Variants in TAOK1 observed in about 807,000 individuals in gnomAD.
TAOK1 encodes serine/threonine-protein kinase TAO1.
Under a neutral mutation model 138.3 loss-of-function variants are expected in TAOK1, and 21 were observed. The ratio of observed to expected loss-of-function variants is 0.15; its 90% CI spans 0.11 to 0.22. The LOEUF is 0.22. Ranked by LOEUF, TAOK1 falls within the 10% of genes least tolerant of loss-of-function variation. TAOK1 has a pLI of 1.00. For missense variants in TAOK1, 651 were observed against 1,227.7 expected (o/e 0.53, Z 7.02); for synonymous variants, 361 against 398.4 (o/e 0.91, Z 1.12).
At position 29,542,768 on chromosome 17, in the gene TAOK1, C is replaced by T. The variant is rs776578798; in HGVS notation, c.2752C>T (p.Pro918Ser). 2.5e-6 allele frequency: 4 copies of T among 1,614,092 alleles called. No homozygotes were observed. The African/African-American group carries it at 4.0e-5, about 16-fold the overall frequency. ...SGWSHNPTGG[P>S]GPHWGHPMGG... ...TTGGTCACACAACCCTACTGGGGGT[C>T]CAGGACCTCACTGGGGTCATCCCAT... Residue 918 changes from proline (P) to serine (S), a missense_variant, in exon 20 of 20, where the codon CCA (proline) becomes TCA (serine). Physicochemically the swap from Pro to Ser is moderately conservative, Grantham distance 74 (BLOSUM62 -1). This residue lies in a region of TAOK1 where 108 missense variants were observed against 120.3 expected (regional missense o/e 0.90). Coordinates refer to ENST00000261716, the MANE Select transcript of TAOK1 (RefSeq NM_020791.4).
intron 8 of TAOK1, among the ~76,000 whole-genome samples, chr17:29,488,352 C>T (rs2031216023): frequency 6.6e-6 from 1 of 151,928 alleles, no homozygotes; most frequent in Non-Finnish European, 1.5e-5. Flanking sequence ...GGGTAGATCA[C>T]CTGAGGTTGG....
intron 1 of TAOK1, among the ~76,000 whole-genome samples, chr17:29,412,890 G>T (rs1311785488): frequency 6.6e-6 from 1 of 152,212 alleles, no homozygotes; most frequent in Non-Finnish European, 1.5e-5. Context: ...GCTTGTGTGA[G>T]TCTTGCACGG....
At chr17:29,419,442 C>T (rs1322304304) in intron 1 of TAOK1, among the ~76,000 whole-genome samples, 5 of 151,796 alleles carry the variant, frequency 3.3e-5, no homozygotes, top group African/African-American at 7.3e-5. Context: ...TTGATCCACC[C>T]GCCTCGGCCT....
chr17:29,473,423 G>T lies in TAOK1; in HGVS notation c.205-2247G>T, dbSNP rs868107534. 3.2e-4 allele frequency among the ~76,000 whole-genome samples: 49 copies of T among 152,156 alleles called. No individual in the cohort carries two copies. In the Middle Eastern group the frequency reaches 0.01, roughly 32 times the overall value. On this transcript the variant is annotated intron_variant, in intron 3 of 19. Coordinates refer to ENST00000261716, the MANE Select transcript of TAOK1 (RefSeq NM_020791.4). ...GGCCAAGGTAGGTGGATCACTTGAG[G>T]CCAGGAGTTCGAGACCAGCTTGGCC...
At chr17:29,508,753 AAGATTC>A (rs2031668432) in intron 14 of TAOK1, among the ~76,000 whole-genome samples, 3 of 152,230 alleles carry the variant, frequency 2.0e-5, no homozygotes, top group Non-Finnish European at 2.9e-5. Context: ...TAAGTTATGA[AAGATTC>A]AGATTCAGAT....
intron 2 of TAOK1, among the ~76,000 whole-genome samples, chr17:29,460,033 T>C (rs1598490087): frequency 6.6e-6 from 1 of 152,242 alleles, no homozygotes. Flanking sequence ...CTCAGACCTC[T>C]TTAGGCCTGC....
intron 1 of TAOK1, among the ~76,000 whole-genome samples, chr17:29,397,653 T>TC (rs1281910310): frequency 7.6e-6 from 1 of 131,422 alleles, no homozygotes; most frequent in South Asian, 2.7e-4. Context: ...TATATATGTA[T>TC]ATTCATGTAT....
chr17:29,505,494 G>A (rs976092923), intron 13 of TAOK1, among the ~76,000 whole-genome samples: 13 of 152,136 alleles, frequency 8.5e-5, no homozygotes, highest in Non-Finnish European at 1.9e-4. Flanking sequence ...TTGAGGTCAG[G>A]AGTTCGAGAC....
intron 3 of TAOK1, among the ~76,000 whole-genome samples, chr17:29,472,245 A>G (rs1426813710): frequency 7.0e-6 from 1 of 142,758 alleles, no homozygotes; most frequent in African/African-American, 2.6e-5. Context: ...TGGCAGCTAT[A>G]GCCGTTGTGT....
At chr17:29,409,897 C>G (rs1351809920) in intron 1 of TAOK1, among the ~76,000 whole-genome samples, 1 of 152,054 alleles carries the variant, frequency 6.6e-6, no homozygotes, top group Non-Finnish European at 1.5e-5. Context: ...GATATATTTG[C>G]TCAGTGAGGT....
At chr17:29,537,429 G>A (rs150468218) in intron 19 of TAOK1, among the ~76,000 whole-genome samples, 22 of 151,518 alleles carry the variant, frequency 1.5e-4, no homozygotes, top group Non-Finnish European at 2.2e-4. Context: ...AGCTCACTGC[G>A]TTCTCCATTT....
intron 1 of TAOK1, among the ~76,000 whole-genome samples, chr17:29,401,408 T>A (rs565638800): frequency 1.1e-4 from 16 of 152,222 alleles, no homozygotes; most frequent in Middle Eastern, 3.4e-3. Context: ...TTTCCCATGG[T>A]TGGCAGGAGA....
intron 1 of TAOK1, among the ~76,000 whole-genome samples, chr17:29,414,027 C>A (rs533834222): frequency 6.6e-6 from 1 of 151,232 alleles, no homozygotes; most frequent in Non-Finnish European, 1.5e-5. Context: ...GGACTATAGG[C>A]GCCTGCCACA....
intron 1 of TAOK1, among the ~76,000 whole-genome samples, chr17:29,391,415 G>C (rs1350437906): frequency 1.3e-5 from 2 of 152,070 alleles, no homozygotes; most frequent in African/African-American, 4.8e-5. Context: ...TGCTCTGGGT[G>C]GCTTGCTGGG....
rs2153026442 is a variant in TAOK1, at chr17:29,475,675, G to A, written c.210G>A (p.Trp70Ter). 6.2e-7 allele frequency: 1 copy of A among 1,604,376 alleles called. No homozygotes were observed. Among genetic ancestry groups the A allele is most frequent in the Non-Finnish European group, 8.5e-7 (1 of 1,173,622 alleles). ...TACCTTTTTTCTCCCCACAGAAATG[G>A]CAGGATATTATTAAGGAAGTCAAGT... ...SYSGKQSTEK[W>*]QDIIKEVKFL... The change falls in exon 4 of 20, where the codon TGG (tryptophan) becomes TGA (stop). Residue 70 changes from tryptophan (W) to a stop codon, truncating the protein, a stop_gained. Transcript: ENST00000261716. LOFTEE classifies it high-confidence loss of function.
chr17:29,496,845 C>G (rs1024746093), intron 11 of TAOK1, among the ~76,000 whole-genome samples: 6 of 152,096 alleles, frequency 3.9e-5, no homozygotes, highest in Non-Finnish European at 8.8e-5. Context: ...CTCAGCCTCC[C>G]AAAGTGCTAG....
At chr17:29,498,024 T>C (rs2153028219) in intron 11 of TAOK1, among the ~76,000 whole-genome samples, 1 of 152,318 alleles carries the variant, frequency 6.6e-6, no homozygotes, top group East Asian at 1.9e-4. Context: ...TTTTAAAATA[T>C]CAAGCAATTT....
intron 17 of TAOK1, among the ~76,000 whole-genome samples, chr17:29,523,067 C>G (rs1368482037): frequency 8.3e-6 from 1 of 121,112 alleles, no homozygotes; most frequent in African/African-American, 3.1e-5. Flanking sequence ...AGAGCAAGAC[C>G]CTGTCTCAAA....
intron 1 of TAOK1, among the ~76,000 whole-genome samples, chr17:29,405,604 C>T (rs1182191042): frequency 6.6e-6 from 1 of 151,820 alleles, no homozygotes; most frequent in East Asian, 1.9e-4. Context: ...TATGGTGAAA[C>T]CCCGTCTCTA....
Sources: gnomAD v4.1 joint callset for allele counts (sites outside exome capture counted in the v4.1 genomes callset) on GRCh38, gnomAD v4.1.1 for gene constraint, gnomAD v4.1.1 regional missense constraint, MANE v1.5 for transcripts, NCBI Gene and HGNC (gene_info 2026-07-23, HGNC 2026-07-21) for gene names.